SLC35E4: variants seen among roughly 807,000 people sequenced by gnomAD.
The protein encoded by SLC35E4 is solute carrier family 35 member E4, also known as solute carrier family 35, member E4.
A neutral mutation model predicts 19.3 loss-of-function variants in SLC35E4; 15 were observed. The ratio of observed to expected loss-of-function variants is 0.78; its 90% CI spans 0.52 to 1.20. SLC35E4 has a LOEUF of 1.20. Among genes scored for constraint, SLC35E4 ranks in the 50% most tolerant of loss-of-function variants. The probability of loss-of-function intolerance (pLI) is 0.00; values close to 1 mark genes in which losing one functional copy is unlikely to be tolerated. For missense variants in SLC35E4, 406 were observed against 472.3 expected (o/e 0.86, Z 1.30); for synonymous variants, 219 against 219.9 (o/e 1.00, Z 0.04).
At chr22:30,651,419 ATATATATATTTTTTTTT>A (rs2088214739), downstream of SLC35E4, among the ~76,000 whole-genome samples, 11 of 64,344 alleles carry the variant, frequency 1.7e-4, no homozygotes, top group East Asian at 5.1e-4. Context: ...ATATATATAT[ATATATATATTTTTTTTT>A]TTTTTTTTTT....
At chr22:30,642,744 A>AG (rs1244320281) in intron 1 of SLC35E4, among the ~76,000 whole-genome samples, 1 of 150,728 alleles carries the variant, frequency 6.6e-6, no homozygotes, top group Non-Finnish European at 1.5e-5. Flanking sequence ...AAAAAAAAAA[A>AG]AAAGGCCAGG....
chr22:30,658,188 TCCCA>T, intron 2 of SLC35E4, among the ~76,000 whole-genome samples: 1 of 151,634 alleles, frequency 6.6e-6, no homozygotes, highest in Non-Finnish European at 1.5e-5. Context: ...AGTCTGTCTC[TCCCA>T]CTGGCTGCAA....
chr22:30,656,137 CT>C (rs371322594), intron 2 of SLC35E4, among the ~76,000 whole-genome samples: 38 of 144,988 alleles, frequency 2.6e-4, no homozygotes, highest in East Asian at 4.0e-4. Context: ...CCATGCTGGG[CT>C]TTTTTTTTTT....
downstream of SLC35E4, among the ~76,000 whole-genome samples, chr22:30,666,451 G>A (rs1000818153): frequency 2.0e-5 from 3 of 151,882 alleles, no homozygotes; most frequent in African/African-American, 4.8e-5. Flanking sequence ...TGAAACCCCC[G>A]TCTCTACTAA....
At chr22:30,651,180 T>TTGAGC (rs1333142940), downstream of SLC35E4, among the ~76,000 whole-genome samples, 2 of 151,492 alleles carry the variant, frequency 1.3e-5, no homozygotes, top group African/African-American at 4.9e-5. Context: ...ACGAGAGGTT[T>TTGAGC]TGAGCCATGA....
downstream of SLC35E4, chr22:30,663,913 T>G: frequency 6.2e-7 from 1 of 1,614,214 alleles, no homozygotes; most frequent in Non-Finnish European, 8.5e-7. Flanking sequence ...GCCACACCAT[T>G]GCTGATATAC....
intron 2 of SLC35E4, among the ~76,000 whole-genome samples, chr22:30,658,502 AG>A (rs1288744055): frequency 6.6e-6 from 1 of 151,934 alleles, no homozygotes; most frequent in Non-Finnish European, 1.5e-5. Flanking sequence ...AAAGTAGAAG[AG>A]GGGAATCTCC....
downstream of SLC35E4, chr22:30,667,190 A>G (rs1264369322): frequency 6.6e-6 from 1 of 152,230 alleles, no homozygotes; most frequent in Non-Finnish European, 1.5e-5. Flanking sequence ...CCATTTTACA[A>G]AAGAGGAAAG....
chr22:30,661,105 T>C (rs889908511), intron 2 of SLC35E4, among the ~76,000 whole-genome samples: 2 of 152,030 alleles, frequency 1.3e-5, no homozygotes, highest in African/African-American at 4.8e-5. Flanking sequence ...CCTCCCAAAG[T>C]GTTGGGATTA....
At chr22:30,664,642 A>G (rs143946044), downstream of SLC35E4, among the ~76,000 whole-genome samples, 14 of 152,380 alleles carry the variant, frequency 9.2e-5, no homozygotes, top group African/African-American at 3.1e-4. Flanking sequence ...GGCTGGTATA[A>G]GAGTAGGGAG....
exon 3 of SLC35E4, chr22:30,668,705 C>G (rs995505439): frequency 2.4e-4 from 37 of 152,430 alleles, no homozygotes; most frequent in African/African-American, 8.9e-4. Flanking sequence ...TCTGTGTTCC[C>G]CAGTGGTCCT....
downstream of SLC35E4, chr22:30,666,977 G>A (rs1424294924): frequency 1.3e-5 from 2 of 152,298 alleles, no homozygotes; most frequent in South Asian, 2.1e-4. Flanking sequence ...CTTCCAGGTC[G>A]GAGCCTAGGG....
chr22:30,646,060 G>A (rs780137840), intron 1 of SLC35E4, among the ~76,000 whole-genome samples: 2 of 150,024 alleles, frequency 1.3e-5, no homozygotes, highest in Admixed American at 6.6e-5. Flanking sequence ...CAAGCGATCC[G>A]CCCTCCCAAA....
chr22:30,664,133 A>C, downstream of SLC35E4: 1 of 817,926 alleles, frequency 1.2e-6, no homozygotes, highest in Non-Finnish European at 1.9e-6. Flanking sequence ...GGCCAATTCC[A>C]GGGGATCCCT....
At chr22:30,659,988 C>G (rs1376076993) in intron 2 of SLC35E4, among the ~76,000 whole-genome samples, 1 of 152,208 alleles carries the variant, frequency 6.6e-6, no homozygotes, top group Non-Finnish European at 1.5e-5. Flanking sequence ...AGGCCAACCC[C>G]CAGCTGACAG....
chr22:30,641,718 ATTTTTTTTT>A (rs56070783), intron 1 of SLC35E4, among the ~76,000 whole-genome samples: 109 of 108,936 alleles, frequency 1.0e-3, no homozygotes, highest in Middle Eastern at 0.012. Flanking sequence ...CTAATTTTTA[ATTTTTTTTT>A]TTTTTTTTTT....
intron 1 of SLC35E4, 46 bp from the exon 2 acceptor site, chr22:30,646,552 G>A (rs1370450391): frequency 1.3e-6 from 2 of 1,560,042 alleles, no homozygotes; most frequent in Non-Finnish European, 8.7e-7. Flanking sequence ...GGTGGCTGGA[G>A]GGGGTTGTGT....
intron 1 of SLC35E4, among the ~76,000 whole-genome samples, chr22:30,643,480 A>G (rs2088079608): frequency 6.6e-6 from 1 of 152,176 alleles, no homozygotes; most frequent in Non-Finnish European, 1.5e-5. Flanking sequence ...CTAGGTGCCC[A>G]CACCATGCCC....
downstream of SLC35E4, among the ~76,000 whole-genome samples, chr22:30,651,727 C>T (rs976829148): frequency 1.3e-5 from 2 of 151,882 alleles, no homozygotes; most frequent in Non-Finnish European, 2.9e-5. Context: ...GGGGACAGTG[C>T]TAGGGCAGAG....
Sources: gnomAD v4.1 joint callset for allele counts (sites outside exome capture counted in the v4.1 genomes callset) on GRCh38, gnomAD v4.1.1 for gene constraint, MANE v1.5 for transcripts, NCBI Gene and HGNC (gene_info 2026-07-23, HGNC 2026-07-21) for gene names.